The following ATP8A2 variants were observed in gnomAD, a reference collection of about 807,000 sequenced individuals.
ATP8A2 encodes the protein ATPase phospholipid transporting 8A2.
A neutral mutation model predicts 165.6 loss-of-function variants in ATP8A2; 100 were observed. The observed-to-expected ratio is 0.60, with a 90% confidence interval of 0.51 to 0.71. The LOEUF (loss-of-function observed/expected upper bound fraction) is 0.71, where lower values mean the gene tolerates loss of function less well. Among genes scored for constraint, ATP8A2 ranks in the 30% least tolerant of loss-of-function variants. The probability of loss-of-function intolerance (pLI) is 0.00; values close to 1 mark genes in which losing one functional copy is unlikely to be tolerated. For synonymous variants in ATP8A2, 543 were observed against 548.8 expected (o/e 0.99, Z 0.15); for missense variants, 1,227 against 1,479.5 (o/e 0.83, Z 2.80).
intron 6 of ATP8A2, chr13:25,534,126 G>C: frequency 1.9e-6 from 1 of 521,054 alleles, no homozygotes; most frequent in South Asian, 1.4e-5. Flanking sequence ...AAATGCCCGT[G>C]ATATGGTAAC....
intron 24 of ATP8A2, among the ~76,000 whole-genome samples, chr13:25,650,583 G>A (rs779053930): frequency 1.3e-5 from 2 of 152,170 alleles, no homozygotes; most frequent in Non-Finnish European, 2.9e-5. Flanking sequence ...GGGCCAAACA[G>A]AAGTAGCGTT....
chr13:25,614,792 G>A (rs1378141062), intron 24 of ATP8A2, among the ~76,000 whole-genome samples: 1 of 152,208 alleles, frequency 6.6e-6, no homozygotes, highest in African/African-American at 2.4e-5. Context: ...TAGCCACCCA[G>A]CAGAGCTGCC....
chr13:26,020,028 T>G lies in ATP8A2; in HGVS notation c.*43T>G, dbSNP rs1452903863. ...CTGATCTTAGGAAAGAGATTCAGTTTGTTGCACCCAGTGTTAACACATCTT... is the reference window on the plus strand; with the variant it reads ...CTGATCTTAGGAAAGAGATTCAGTTGGTTGCACCCAGTGTTAACACATCTT... On this transcript the variant is annotated 3_prime_UTR_variant, in exon 37 of 37. Coordinates refer to ENST00000381655, the MANE Select transcript of ATP8A2 (RefSeq NM_016529.6). The G allele has an allele frequency of 2.9e-6, 4 of 1,391,094 alleles. No individual in the cohort carries two copies. 86.2% of individuals were successfully genotyped at this position (1,391,094 alleles called of 1,614,324 possible).
chr13:25,606,182 T>C (rs2040512004), intron 24 of ATP8A2, among the ~76,000 whole-genome samples: 1 of 152,202 alleles, frequency 6.6e-6, no homozygotes, highest in African/African-American at 2.4e-5. Flanking sequence ...AAAAATGATA[T>C]CTTAATAGAT....
Position 25,958,466 on chromosome 13 carries a change from A to G in ATP8A2, c.3184-3109A>G, listed in dbSNP as rs565394729. The stretch of plus-strand genomic sequence containing the variant: ...CTTGTTAATGCGCCTAGTCTGACCC[A>G]GGGCAGTGCTGCACAGCTCATTGGC... On this transcript the variant is annotated intron_variant, in intron 33 of 36. Transcript: ENST00000381655. Among the ~76,000 whole-genome samples, 9 of 152,316 alleles carry G rather than the reference A, an allele frequency of 5.9e-5. No homozygotes were observed. In the South Asian group the frequency reaches 1.9e-3, roughly 32 times the overall value.
intron 2 of ATP8A2, 25 bp downstream of exon 2, chr13:25,469,146 C>G: frequency 6.2e-7 from 1 of 1,611,622 alleles, no homozygotes. Flanking sequence ...CCGGCTCGCG[C>G]GGAAGGCGGT....
intron 35 of ATP8A2, among the ~76,000 whole-genome samples, chr13:25,984,794 G>A (rs1956242481): frequency 6.6e-6 from 1 of 152,174 alleles, no homozygotes; most frequent in Admixed American, 6.5e-5. Flanking sequence ...TGTGAGTAGA[G>A]AATTTATCAA....
chr13:25,432,902 G>A (rs1356253718), intron 1 of ATP8A2, among the ~76,000 whole-genome samples: 1 of 152,114 alleles, frequency 6.6e-6, no homozygotes, highest in Non-Finnish European at 1.5e-5. Flanking sequence ...CGTGCTTTCC[G>A]GCACATGTGT....
At chr13:25,701,723 AACAC>A (rs71077495) in intron 25 of ATP8A2, among the ~76,000 whole-genome samples, 38,575 of 140,288 alleles carry the variant, frequency 0.27, 5,357 homozygotes, top group Middle Eastern at 0.41. Context: ...TTGATACTAA[AACAC>A]ACACACACAC....
At chr13:25,816,010 A>T (rs1951009259) in intron 27 of ATP8A2, among the ~76,000 whole-genome samples, 1 of 152,192 alleles carries the variant, frequency 6.6e-6, no homozygotes, top group African/African-American at 2.4e-5. Context: ...ACTCATTAAT[A>T]TAGAGTTTAA....
chr13:25,546,549 C>T (rs1200165453), intron 10 of ATP8A2, among the ~76,000 whole-genome samples: 2 of 147,208 alleles, frequency 1.4e-5, no homozygotes, highest in Non-Finnish European at 3.0e-5. Flanking sequence ...CACCTCAATG[C>T]CTTTTGCCCT....
intron 25 of ATP8A2, among the ~76,000 whole-genome samples, chr13:25,727,069 C>T (rs1460166302): frequency 6.6e-6 from 1 of 152,134 alleles, no homozygotes; most frequent in Admixed American, 6.5e-5. Context: ...GGGGTACATG[C>T]ATGCACGTGA....
chr13:25,504,216 A>T (rs918133485), intron 2 of ATP8A2, among the ~76,000 whole-genome samples: 1 of 152,210 alleles, frequency 6.6e-6, no homozygotes, highest in African/African-American at 2.4e-5. Context: ...AGTATTGTCT[A>T]TATAAATGGT....
intron 2 of ATP8A2, among the ~76,000 whole-genome samples, chr13:25,519,517 A>T (rs140758588): frequency 2.0e-5 from 3 of 152,264 alleles, no homozygotes; most frequent in African/African-American, 7.2e-5. Context: ...TCTATTGCAC[A>T]TGATGGATGG....
Position 25,750,374 on chromosome 13 carries a change from G to A in ATP8A2, c.2385-18672G>A, listed in dbSNP as rs549629755. On this transcript the variant is annotated intron_variant, in intron 25 of 36. Transcript: ENST00000381655. The surrounding 1 kb of genome is among the most constrained non-coding windows in gnomAD (Gnocchi z 4.3). ...AACTGTGGGCAGTTTCCCTCTGCTA[G>A]TGCCCCCTCTTCCTTGGTTACTCTC... Among the ~76,000 whole-genome samples the A allele has an allele frequency of 2.6e-4, 40 of 152,280 alleles. 1 individual carries two copies. Among genetic ancestry groups the A allele is most frequent in the African/African-American group, 9.1e-4 (38 of 41,564 alleles).
chr13:25,530,801 G>A, intron 4 of ATP8A2, 141 bp downstream of exon 4: 2 of 617,056 alleles, frequency 3.2e-6, no homozygotes, highest in Admixed American at 2.8e-5. Context: ...ATTTTTAGGG[G>A]GAGTTAATGT....
chr13:25,598,551 A>T (rs917811554), intron 24 of ATP8A2, among the ~76,000 whole-genome samples: 4 of 152,202 alleles, frequency 2.6e-5, no homozygotes, highest in Non-Finnish European at 2.9e-5. Context: ...TTTTCAGTGT[A>T]CAGGACTTGT....
chr13:25,814,140 A>G (rs1230371336), intron 27 of ATP8A2, among the ~76,000 whole-genome samples: 1 of 150,920 alleles, frequency 6.6e-6, no homozygotes, highest in Non-Finnish European at 1.5e-5. Flanking sequence ...GTGCTTGTTA[A>G]TGTCTTTTTA....
At chr13:26,010,003 C>G (rs1379327001) in intron 35 of ATP8A2, among the ~76,000 whole-genome samples, 1 of 152,098 alleles carries the variant, frequency 6.6e-6, no homozygotes, top group African/African-American at 2.4e-5. Context: ...TAGGCAGAGG[C>G]TGCAGTGAGC....
Sources: gnomAD v4.1 joint callset for allele counts (sites outside exome capture counted in the v4.1 genomes callset) on GRCh38, gnomAD v4.1.1 for gene constraint, Gnocchi (gnomAD v3.1) non-coding constraint, MANE v1.5 for transcripts, NCBI Gene and HGNC (gene_info 2026-07-23, HGNC 2026-07-21) for gene names.